Variants in TXNRD1 observed in about 807,000 individuals in gnomAD.
TXNRD1 encodes thioredoxin reductase 1, cytoplasmic.
In TXNRD1, 57 loss-of-function variants were observed where a neutral mutation model predicts 80.3. That is an observed-to-expected ratio of 0.71 (90% confidence interval 0.57 to 0.89). The LOEUF (loss-of-function observed/expected upper bound fraction) is 0.89, where lower values mean the gene tolerates loss of function less well. Ranked by LOEUF, TXNRD1 falls within the 40% of genes least tolerant of loss-of-function variation. TXNRD1 has a pLI of 0.00. For missense variants in TXNRD1, 730 were observed against 803.0 expected, an observed-to-expected ratio of 0.91 and a Z score of 1.10; for synonymous variants, 291 against 285.2, an observed-to-expected ratio of 1.02 and a Z score of -0.20.
chr12:104,251,204 A>G (rs2033110821), intron 1 of TXNRD1, among the ~76,000 whole-genome samples: 1 of 152,200 alleles, frequency 6.6e-6, no homozygotes. Flanking sequence ...TAGAGATGGC[A>G]TAAAATGTGG....
At chr12:104,252,980 G>A (rs1159495225) in intron 2 of TXNRD1, among the ~76,000 whole-genome samples, 3 of 151,780 alleles carry the variant, frequency 2.0e-5, no homozygotes, top group African/African-American at 7.3e-5. Flanking sequence ...GGGATTACAG[G>A]CGTGAGCCAC....
At chr12:104,227,121 C>T (rs1219549760) in intron 1 of TXNRD1, among the ~76,000 whole-genome samples, 3 of 152,030 alleles carry the variant, frequency 2.0e-5, no homozygotes, top group African/African-American at 7.2e-5. Flanking sequence ...ATGTCCTCCT[C>T]CTAAGATCTC....
chr12:104,281,154 T>C (rs1333638082), intron 3 of TXNRD1, among the ~76,000 whole-genome samples: 1 of 152,168 alleles, frequency 6.6e-6, no homozygotes, highest in Admixed American at 6.6e-5. Context: ...TCTCTGGGTG[T>C]TCCTGCTTTT....
At chr12:104,304,740 G>C in intron 4 of TXNRD1, 1 of 1,613,806 alleles carries the variant, frequency 6.2e-7, no homozygotes, top group Non-Finnish European at 8.5e-7. Flanking sequence ...GTAAGAGATG[G>C]TTTTGCAAGA....
intron 3 of TXNRD1, chr12:104,265,263 A>AC (rs879186663): frequency 0.03 from 40,978 of 1,350,298 alleles, 21 homozygotes; most frequent in East Asian, 0.13. Flanking sequence ...AAAAAAAAAA[A>AC]AAAAAACTTC....
chr12:104,239,076 G>A (rs1199558666), intron 1 of TXNRD1, among the ~76,000 whole-genome samples: 1 of 152,072 alleles, frequency 6.6e-6, no homozygotes, highest in Non-Finnish European at 1.5e-5. Flanking sequence ...GAATTGGAAA[G>A]TATCCCCTCC....
intron 14 of TXNRD1, 41 bp downstream of exon 14, chr12:104,331,682 TTTTTTTTCTTCA>T (rs1388652138): frequency 7.6e-7 from 1 of 1,308,942 alleles, no homozygotes; most frequent in Admixed American, 2.1e-5. Context: ...ATATCACTAC[TTTTTTTTCTTCA>T]GAATTTAAAA....
At chr12:104,345,536 T>C (rs1593889751) in intron 16 of TXNRD1, among the ~76,000 whole-genome samples, 1 of 152,220 alleles carries the variant, frequency 6.6e-6, no homozygotes, top group South Asian at 2.1e-4. Context: ...TCTCAGCGCC[T>C]GGGGCATTAG....
intron 3 of TXNRD1, among the ~76,000 whole-genome samples, chr12:104,267,010 A>G (rs1414432614): frequency 6.6e-6 from 1 of 150,536 alleles, no homozygotes; most frequent in East Asian, 1.9e-4. Context: ...AAATAAAAAT[A>G]CAACAAATTA....
chr12:104,216,020 G>A, intron 1 of TXNRD1, 127 bp downstream of exon 1: 1 of 775,970 alleles, frequency 1.3e-6, no homozygotes, highest in Non-Finnish European at 2.0e-6. Flanking sequence ...GTGACTGACC[G>A]CGCGCCACGC....
intron 16 of TXNRD1, among the ~76,000 whole-genome samples, chr12:104,340,669 C>A (rs1306366611): frequency 2.0e-5 from 3 of 152,312 alleles, no homozygotes; most frequent in African/African-American, 7.2e-5. Context: ...GTCCAAATTT[C>A]CCTCCTCTTT....
intron 4 of TXNRD1, chr12:104,304,500 A>G: frequency 6.2e-7 from 1 of 1,614,024 alleles, no homozygotes; most frequent in Non-Finnish European, 8.5e-7. Context: ...CTTGAACACC[A>G]GAAAAAAGTT....
chr12:104,340,049 G>A lies in TXNRD1; in HGVS notation c.1881+776G>A, dbSNP rs76513855. Among the ~76,000 whole-genome samples, 246 of 152,270 alleles carry A rather than the reference G, an allele frequency of 1.6e-3. 1 individual carries two copies. The highest frequency in any genetic ancestry group is 5.8e-3 in the African/African-American group (242 of 41,550). On this transcript the variant is annotated intron_variant, in intron 16 of 16. Coordinates refer to ENST00000525566, the MANE Select transcript of TXNRD1 (RefSeq NM_001093771.3). ...TTGCTTTTGTACAACTGAACTCATT[G>A]CTGAGTATGTGGAATGTCAGCTTTA...
At chr12:104,347,898 T>C in intron 16 of TXNRD1, among the ~76,000 whole-genome samples, 1 of 151,546 alleles carries the variant, frequency 6.6e-6, no homozygotes, top group East Asian at 1.9e-4. Flanking sequence ...GTAAAGCTTC[T>C]TAAAAAAACA....
At chr12:104,326,464 T>TC in intron 12 of TXNRD1, 41 bp downstream of exon 12, 1 of 1,154,614 alleles carries the variant, frequency 8.7e-7, no homozygotes, top group Non-Finnish European at 1.2e-6. Flanking sequence ...TGTGGGATTT[T>TC]TTTTTTTTTT....
rs565326593 is a variant in TXNRD1 at position 104,238,807 on chromosome 12, T to A, written c.92-12720T>A. Among the ~76,000 whole-genome samples the A allele has an allele frequency of 3.5e-4, 53 of 152,074 alleles. 1 individual carries two copies. The highest frequency in any genetic ancestry group is 1.2e-3 in the African/African-American group (51 of 41,496). Reference sequence around the variant, plus strand: ...TGGTTTGTTAATGTTTTGTGGATAATTTTTTTTGTCTATATTTACAAAGGG... The same window carrying A: ...TGGTTTGTTAATGTTTTGTGGATAAATTTTTTTGTCTATATTTACAAAGGG... On this transcript the variant is annotated intron_variant, in intron 1 of 16. Coordinates refer to ENST00000525566, the MANE Select transcript of TXNRD1 (RefSeq NM_001093771.3).
chr12:104,232,860 A>G (rs1432006919), intron 1 of TXNRD1, among the ~76,000 whole-genome samples: 2 of 152,208 alleles, frequency 1.3e-5, no homozygotes, highest in African/African-American at 4.8e-5. Context: ...CAAACAAAGA[A>G]AAGCAGAGGT....
Position 104,286,591 on chromosome 12 carries a change from T to G in TXNRD1, c.305-2340T>G, listed in dbSNP as rs866420441. ...CCAACTCAATCACCTTTGGAGTTTT[T>G]TTTTTTTTTTTAAACGCAGAGGCCC... On this transcript the variant is annotated intron_variant, in intron 3 of 16. Coordinates refer to ENST00000525566, the MANE Select transcript of TXNRD1 (RefSeq NM_001093771.3). The G allele has an allele frequency of 1.5e-5, 5 of 343,184 alleles. No individual in the cohort carries two copies. In the East Asian group the frequency reaches 5.0e-4, roughly 35 times the overall value. 21.3% of individuals were successfully genotyped at this position (343,184 alleles called of 1,614,324 possible). A position where few individuals can be genotyped will look rare whatever the true frequency, so the allele number is the denominator to read the frequency against.
At chr12:104,245,510 T>A (rs2032960845) in intron 1 of TXNRD1, among the ~76,000 whole-genome samples, 2 of 41,454 alleles carry the variant, frequency 4.8e-5, no homozygotes, top group Non-Finnish European at 4.0e-5. Context: ...AGAGCGAAAC[T>A]CCATCTCAAA....
Sources: allele counts gnomAD v4.1 joint callset (sites outside exome capture counted in the v4.1 genomes callset), GRCh38; gene constraint gnomAD v4.1.1; transcripts MANE v1.5; gene names NCBI Gene and HGNC (gene_info 2026-07-23, HGNC 2026-07-21).